The following PIGZ variants were observed in gnomAD, a reference collection of about 807,000 sequenced individuals.
The protein encoded by PIGZ is GPI alpha-1,2-mannosyltransferase 4.
A neutral mutation model predicts 16.4 loss-of-function variants in PIGZ; 16 were observed. The observed-to-expected ratio is 0.97, with a 90% CI of 0.66 to 1.48. The LOEUF is 1.48. PIGZ is among the 40% of genes most tolerant of loss of function. PIGZ has a pLI of 0.00. For synonymous variants in PIGZ, 409 were observed against 338.4 expected (o/e 1.21, Z -2.29); for missense variants, 770 against 739.2 (o/e 1.04, Z -0.48).
chr3:196,959,148 A>T (rs1717613412), intron 1 of PIGZ, among the ~76,000 whole-genome samples: 1 of 152,204 alleles, frequency 6.6e-6, no homozygotes, highest in Non-Finnish European at 1.5e-5. Context: ...TCTCATGGGC[A>T]TGTGGCCTTC....
At chr3:196,966,061 C>G (rs536779509) in intron 1 of PIGZ, among the ~76,000 whole-genome samples, 2 of 152,180 alleles carry the variant, frequency 1.3e-5, no homozygotes, top group Non-Finnish European at 2.9e-5. Flanking sequence ...CTCCTGTGTT[C>G]GTGAGTAGAA....
chr3:196,956,094 G>C (rs1717473561), intron 1 of PIGZ, among the ~76,000 whole-genome samples: 1 of 151,602 alleles, frequency 6.6e-6, no homozygotes, highest in Admixed American at 6.6e-5. Flanking sequence ...ACTATGTTAT[G>C]TGTCTTCACT....
chr3:196,950,744 C>CTTTTTTTTTTTTTT lies in PIGZ; in HGVS notation c.211+1076_211+1077insAAAAAAAAAAAAAA, dbSNP rs35150164. On this transcript the variant is annotated intron_variant, in intron 2 of 2. Transcript: ENST00000412723. ...ATCTATTCCCTCCTCCTTCATTAGA[C>CTTTTTTTTTTTTTT]TTTTTTTTTTCTTTTTTTGAGATGG... 2.1e-5 allele frequency among the ~76,000 whole-genome samples: 3 copies of CTTTTTTTTTTTTTT among 145,598 alleles called. 1 individual carries two copies. The highest frequency in any genetic ancestry group is 5.1e-5 in the African/African-American group (2 of 39,198).
intron 2 of PIGZ, among the ~76,000 whole-genome samples, chr3:196,948,926 TCCC>T (rs1560180930): frequency 4.0e-5 from 1 of 24,970 alleles, no homozygotes; most frequent in African/African-American, 2.7e-4. Context: ...TTCCCTTCCT[TCCC>T]TTTACTTCCC....
intron 1 of PIGZ, among the ~76,000 whole-genome samples, chr3:196,954,528 T>C (rs1031869562): frequency 1.3e-5 from 2 of 152,230 alleles, no homozygotes; most frequent in Non-Finnish European, 2.9e-5. Context: ...CCCTTGTTTT[T>C]AATTTCTTTG....
Position 196,947,465 on chromosome 3 carries a change from G to A in PIGZ, c.1432C>T (p.Leu478=). 1 of 1,613,688 alleles carries A rather than the reference G, an allele frequency of 6.2e-7. No individual in the cohort carries two copies. Among genetic ancestry groups the A allele is most frequent in the Non-Finnish European group, 8.5e-7 (1 of 1,179,996 alleles). The change falls in exon 3 of 3, where the codon CTG becomes TTG. Residue 478 remains leucine (L), a synonymous_variant. Transcript: ENST00000412723. ...PPRHLLHLPG[L]GAPVEVVDMG... is the part of the protein sequence containing the mutation. ...TCCACCACCTCCACTGGTGCCCCCA[G>A]GCCTGGGAGGTGTAGGAGGTGCCGG... is the stretch of plus-strand genomic sequence containing the variant.
chr3:196,955,085 T>C (rs2108907689), intron 1 of PIGZ, among the ~76,000 whole-genome samples: 1 of 152,178 alleles, frequency 6.6e-6, no homozygotes, highest in South Asian at 2.1e-4. Context: ...GCCACCATCC[T>C]TGGTTAATTT....
intron 1 of PIGZ, among the ~76,000 whole-genome samples, chr3:196,962,959 A>T (rs1451668174): frequency 1.3e-5 from 2 of 152,184 alleles, no homozygotes; most frequent in Non-Finnish European, 2.9e-5. Context: ...TTCTTCCTCT[A>T]TGCTTTACCT....
At position 196,947,603 on chromosome 3, in the gene PIGZ, G is replaced by C; in HGVS notation, c.1294C>G (p.Gln432Glu). 3 of 1,613,680 alleles carry C rather than the reference G, an allele frequency of 1.9e-6. No homozygotes were observed. Among genetic ancestry groups the C allele is most frequent in the Non-Finnish European group, 2.5e-6 (3 of 1,179,788 alleles). ...LGALLFGCLH[Q>E]GGLVPGLEYL... ...TCCAGGCCAGGCACCAGGCCCCCCT[G>C]ATGCAGGCAGCCGAAGAGGAGGGCA... Residue 432 changes from glutamine (Q) to glutamate (E), a missense_variant, in exon 3 of 3, where the codon CAG (glutamine) becomes GAG (glutamate). Transcript: ENST00000412723.
At chr3:196,959,585 C>A (rs557148284) in intron 1 of PIGZ, among the ~76,000 whole-genome samples, 2 of 152,252 alleles carry the variant, frequency 1.3e-5, no homozygotes, top group South Asian at 4.2e-4. Context: ...AACAACCAAC[C>A]AAAACTCCCT....
Position 196,968,734 on chromosome 3 carries a change from G to A in PIGZ, c.-48C>T, listed in dbSNP as rs1471861043. ...CTTCAGCGCTGGCGGCGTCCTGCCC[G>A]GCGAGGGCCAGGGTCCCAGGAGGCC... is the stretch of plus-strand genomic sequence containing the variant. On this transcript the variant is annotated 5_prime_UTR_variant, in exon 1 of 3. Coordinates refer to ENST00000412723, the MANE Select transcript of PIGZ (RefSeq NM_025163.4). 6.6e-6 allele frequency: 1 copy of A among 152,014 alleles called. No homozygotes were observed. Among genetic ancestry groups the A allele is most frequent in the Non-Finnish European group, 1.5e-5 (1 of 68,000 alleles). The allele number at this position is 152,014 out of a possible 1,614,324, so 9.4% of individuals were successfully genotyped here.
Position 196,967,505 on chromosome 3 carries a change from G to A in PIGZ, c.-1+1182C>T, listed in dbSNP as rs182189944. ...GGCTTTAAGACTTCGGGAAAAGCCGGGCCCCTGTGCAACCACCAAAGGCTG... is the reference window on the plus strand; with the variant it reads ...GGCTTTAAGACTTCGGGAAAAGCCGAGCCCCTGTGCAACCACCAAAGGCTG... On this transcript the variant is annotated intron_variant, in intron 1 of 2. Coordinates refer to ENST00000412723, the MANE Select transcript of PIGZ (RefSeq NM_025163.4). Among the ~76,000 whole-genome samples, 7 of 152,308 alleles carry A rather than the reference G, an allele frequency of 4.6e-5. 1 individual carries two copies. The South Asian group carries it at 1.5e-3, about 32-fold the overall frequency.
chr3:196,956,663 T>C (rs1400940110), intron 1 of PIGZ, among the ~76,000 whole-genome samples: 1 of 152,236 alleles, frequency 6.6e-6, no homozygotes, highest in Non-Finnish European at 1.5e-5. Context: ...TATCTTTAGC[T>C]CTCTTGGCTA....
chr3:196,960,737 G>GAGAAAGAAAGAA (rs377421215), intron 1 of PIGZ, among the ~76,000 whole-genome samples: 5,558 of 140,418 alleles, frequency 0.04, 172 homozygotes, highest in African/African-American at 0.074. Context: ...AAGAAAGAAA[G>GAGAAAGAAAGAA]AGAAAGAAAG....
intron 1 of PIGZ, among the ~76,000 whole-genome samples, chr3:196,959,738 T>C (rs2108913754): frequency 6.6e-6 from 1 of 152,338 alleles, no homozygotes; most frequent in East Asian, 1.9e-4. Flanking sequence ...TCTCGCCTCC[T>C]TGGCTTCCGC....
Position 196,946,965 on chromosome 3 carries a change from T to C in PIGZ, c.*192A>G. 3.9e-6 allele frequency: 2 copies of C among 519,360 alleles called. No individual in the cohort carries two copies. Among genetic ancestry groups the C allele is most frequent in the African/African-American group, 3.8e-5 (2 of 52,226 alleles). 32.2% of individuals were successfully genotyped at this position (519,360 alleles called of 1,614,324 possible). On this transcript the variant is annotated 3_prime_UTR_variant, in exon 3 of 3. Transcript: ENST00000412723. ...CATCAAGACCGACAGGTCAAATCTT[T>C]GGTCTCAGGGAGAAGAGTGCCAGCT...
rs752549354 is a variant in PIGZ, at chr3:196,947,488, C to CG, written c.1408dup (p.Arg470ProfsTer22). 281 of 1,613,168 alleles carry CG rather than the reference C, an allele frequency of 1.7e-4. No individual in the cohort carries two copies. The highest frequency in any genetic ancestry group is 4.9e-4 in the East Asian group (22 of 44,890). ...CAGGCCTGGGAGGTGTAGGAGGTGCCGGGGGGGCATGTAGGTGTGAGTGAA... is the reference window on the plus strand; with the variant it reads ...CAGGCCTGGGAGGTGTAGGAGGTGCCGGGGGGGGCATGTAGGTGTGAGTGAA... On this transcript the variant is annotated frameshift_variant, in exon 3 of 3. Coordinates refer to ENST00000412723, the MANE Select transcript of PIGZ (RefSeq NM_025163.4). LOFTEE classifies it high-confidence loss of function.
intron 2 of PIGZ, among the ~76,000 whole-genome samples, chr3:196,949,021 C>T (rs1577882390): frequency 1.7e-5 from 1 of 59,618 alleles, no homozygotes; most frequent in Non-Finnish European, 2.7e-5. Flanking sequence ...CCTCCCCTCC[C>T]TTCCCTTCCT....
intron 1 of PIGZ, among the ~76,000 whole-genome samples, chr3:196,964,098 T>A (rs1313641898): frequency 1.3e-5 from 2 of 152,156 alleles, no homozygotes; most frequent in African/African-American, 4.8e-5. Context: ...TCGCCCAGGC[T>A]GGAGTGCAGT....
Sources: allele counts gnomAD v4.1 joint callset (sites outside exome capture counted in the v4.1 genomes callset), GRCh38; gene constraint gnomAD v4.1.1; transcripts MANE v1.5; gene names NCBI Gene and HGNC (gene_info 2026-07-23, HGNC 2026-07-21).